Variants in ZNF385B observed in about 807,000 individuals in gnomAD.
ZNF385B encodes zinc finger protein 533.
In ZNF385B, 23 loss-of-function variants were observed where a neutral mutation model predicts 39.2. The observed-to-expected ratio is 0.59, with a 90% CI of 0.42 to 0.83. The LOEUF is 0.83. Ranked by LOEUF, ZNF385B falls within the 40% of genes least tolerant of loss-of-function variation. ZNF385B has a pLI of 0.00. For synonymous variants in ZNF385B, 205 were observed against 222.6 expected, an observed-to-expected ratio of 0.92 and a Z score of 0.70; for missense variants, 552 against 598.9, an observed-to-expected ratio of 0.92 and a Z score of 0.82.
At chr2:179,637,077 A>G (rs1691826636) in intron 3 of ZNF385B, 4 of 152,236 alleles carry the variant, frequency 2.6e-5, no homozygotes, top group Admixed American at 2.6e-4. Context: ...GTACTCTAGC[A>G]TACTCACTAG....
At chr2:179,464,386 C>T (rs2105485505) in intron 6 of ZNF385B, among the ~76,000 whole-genome samples, 1 of 152,264 alleles carries the variant, frequency 6.6e-6, no homozygotes, top group African/African-American at 2.4e-5. Flanking sequence ...GCTTTTGTTG[C>T]CATTGCTTTC....
At chr2:179,797,148 G>A (rs965808951) in intron 1 of ZNF385B, among the ~76,000 whole-genome samples, 4 of 151,888 alleles carry the variant, frequency 2.6e-5, no homozygotes, top group African/African-American at 9.7e-5. Context: ...AACCTCTGAG[G>A]TCCATCTTAA....
Position 179,446,547 on chromosome 2 carries a change from T to C in ZNF385B, c.939A>G (p.Ser313=). ...AACCTGTGTTGTGTGCCTCTAGCTG[T>C]GACAGGGAGTTCACAGCCACTTTGC... is the stretch of plus-strand genomic sequence containing the variant. ...SLCKVAVNSL[S]QLEAHNTGSK... Residue 313 remains serine, a synonymous_variant, in exon 7 of 10, where the codon TCA becomes TCG. Coordinates refer to ENST00000410066, the MANE Select transcript of ZNF385B (RefSeq NM_152520.6). The C allele has an allele frequency of 1.9e-6, 3 of 1,614,060 alleles. No homozygotes were observed. Among genetic ancestry groups the C allele is most frequent in the Non-Finnish European group, 2.5e-6 (3 of 1,179,946 alleles).
intron 3 of ZNF385B, among the ~76,000 whole-genome samples, chr2:179,697,884 C>A (rs1418306484): frequency 2.6e-5 from 4 of 152,188 alleles, no homozygotes; most frequent in Non-Finnish European, 4.4e-5. Flanking sequence ...AGTTCATGTC[C>A]TTTGTAGGGA....
At chr2:179,776,152 G>A (rs2106515263) in intron 1 of ZNF385B, among the ~76,000 whole-genome samples, 1 of 152,330 alleles carries the variant, frequency 6.6e-6, no homozygotes, top group Admixed American at 6.5e-5. Context: ...CAGTGATGTT[G>A]TTCTGAATTA....
At chr2:179,692,005 G>A (rs1698393085) in intron 3 of ZNF385B, among the ~76,000 whole-genome samples, 1 of 152,000 alleles carries the variant, frequency 6.6e-6, no homozygotes, top group Admixed American at 6.6e-5. Context: ...CTTTGTGGTA[G>A]GAACATTCCA....
chr2:179,849,697 G>A (rs570757541), intron 1 of ZNF385B, among the ~76,000 whole-genome samples: 1 of 152,174 alleles, frequency 6.6e-6, no homozygotes, highest in Non-Finnish European at 1.5e-5. Flanking sequence ...ATCAAATATT[G>A]AGTCAATAAA....
intron 3 of ZNF385B, among the ~76,000 whole-genome samples, chr2:179,613,007 A>G (rs1324337742): frequency 6.6e-6 from 1 of 152,200 alleles, no homozygotes; most frequent in Non-Finnish European, 1.5e-5. Context: ...CTCTCCCTGT[A>G]GCCATCACTG....
In ZNF385B at chr2:179,464,068, C is replaced by T. The variant is rs187568216; in HGVS notation, c.716-17298G>A. Among the ~76,000 whole-genome samples the T allele has an allele frequency of 1.8e-3, 277 of 152,144 alleles. 3 individuals are homozygous for T. Among genetic ancestry groups the T allele is most frequent in the African/African-American group, 5.9e-3 (245 of 41,508 alleles). On this transcript the variant is annotated intron_variant, in intron 6 of 9. Transcript: ENST00000410066. Reference sequence around the variant, plus strand: ...CTAACTGGCGTGAGATGGTATCTCACTGTGGTTTTGATTTGCATTTCTCTA... The same window carrying T: ...CTAACTGGCGTGAGATGGTATCTCATTGTGGTTTTGATTTGCATTTCTCTA...
intron 1 of ZNF385B, among the ~76,000 whole-genome samples, chr2:179,797,061 T>A (rs1705710060): frequency 6.6e-6 from 1 of 151,468 alleles, no homozygotes; most frequent in Admixed American, 6.6e-5. Context: ...GAATGGGGTT[T>A]AAAAAAAAAC....
rs754333310 is a variant in ZNF385B at position 179,656,853 on chromosome 2, T to C, written c.299-111884A>G. Among the ~76,000 whole-genome samples the C allele has an allele frequency of 3.8e-4, 58 of 152,336 alleles. 1 individual carries two copies. The highest frequency in any genetic ancestry group is 6.8e-3 in the Middle Eastern group (2 of 294). On this transcript the variant is annotated intron_variant, in intron 3 of 9. Coordinates refer to ENST00000410066, the MANE Select transcript of ZNF385B (RefSeq NM_152520.6). Reference sequence around the variant, plus strand: ...TTTTGCCCTTTGGGAGCAATGAATATGTATGATTTAGATATTATACCTCTA... The same window carrying C: ...TTTTGCCCTTTGGGAGCAATGAATACGTATGATTTAGATATTATACCTCTA...
At chr2:179,505,848 A>C (rs2057206167) in intron 5 of ZNF385B, among the ~76,000 whole-genome samples, 1 of 152,132 alleles carries the variant, frequency 6.6e-6, no homozygotes, top group Non-Finnish European at 1.5e-5. Context: ...ACCAAAAATC[A>C]GTCTACTTTT....
intron 3 of ZNF385B, among the ~76,000 whole-genome samples, chr2:179,674,569 C>T (rs181000584): frequency 2.9e-4 from 44 of 152,284 alleles, no homozygotes; most frequent in African/African-American, 9.6e-4. Context: ...TTCCTTATAA[C>T]TCCAAAAGAC....
intron 3 of ZNF385B, among the ~76,000 whole-genome samples, chr2:179,650,510 T>TA (rs2106245402): frequency 6.6e-6 from 1 of 152,314 alleles, no homozygotes; most frequent in East Asian, 1.9e-4. Flanking sequence ...AAGTAAAAGA[T>TA]ACTATGAAAT....
At chr2:179,783,426 A>G (rs908924151) in intron 1 of ZNF385B, among the ~76,000 whole-genome samples, 2 of 152,200 alleles carry the variant, frequency 1.3e-5, no homozygotes, top group Non-Finnish European at 2.9e-5. Context: ...GAACTGGCAA[A>G]GATTTCATGA....
At chr2:179,527,750 A>C (rs73973302) in intron 4 of ZNF385B, among the ~76,000 whole-genome samples, 21,052 of 152,108 alleles carry the variant, frequency 0.14, 1,876 homozygotes, top group East Asian at 0.37. Flanking sequence ...TTATATATTT[A>C]CTATATTTTT....
At chr2:179,682,295 T>A (rs936172242) in intron 3 of ZNF385B, among the ~76,000 whole-genome samples, 1 of 152,232 alleles carries the variant, frequency 6.6e-6, no homozygotes, top group African/African-American at 2.4e-5. Flanking sequence ...TTATTTAAGA[T>A]CTTTCCCTCT....
At chr2:179,550,908 G>A (rs192803700) in intron 3 of ZNF385B, among the ~76,000 whole-genome samples, 1 of 133,870 alleles carries the variant, frequency 7.5e-6, no homozygotes. Context: ...GAAAGAAAAT[G>A]CTTAATTTCT....
intron 5 of ZNF385B, among the ~76,000 whole-genome samples, chr2:179,501,382 T>A (rs566833727): frequency 1.2e-4 from 19 of 152,288 alleles, no homozygotes; most frequent in African/African-American, 4.6e-4. Flanking sequence ...ATGTGGGATG[T>A]ATACAGAATG....
Sources: allele counts gnomAD v4.1 joint callset (sites outside exome capture counted in the v4.1 genomes callset), GRCh38; gene constraint gnomAD v4.1.1; transcripts MANE v1.5; gene names NCBI Gene and HGNC (gene_info 2026-07-23, HGNC 2026-07-21).